CRYBG1: variants seen among roughly 807,000 people sequenced by gnomAD.
The protein encoded by CRYBG1 is beta/gamma crystallin domain-containing protein 1.
CRYBG1 carries 139 observed loss-of-function variants against 189.2 expected under a neutral mutation model. That is an observed-to-expected ratio of 0.73 (90% CI 0.64 to 0.85). The LOEUF is 0.85. CRYBG1 is among the 40% of genes least tolerant of loss of function. CRYBG1 has a pLI of 0.00. For synonymous variants in CRYBG1, 1,023 were observed against 1,017.1 expected (o/e 1.01, Z -0.11); for missense variants, 2,611 against 2,675.8 (o/e 0.98, Z 0.53).
chr6:106,384,851 T>C (rs1332609613), intron 1 of CRYBG1, among the ~76,000 whole-genome samples: 1 of 148,312 alleles, frequency 6.7e-6, no homozygotes, highest in Non-Finnish European at 1.5e-5. Context: ...GGGTCACAGA[T>C]ACATTCTTCC....
chr6:106,528,622 T>C (rs1271566658), intron 7 of CRYBG1, among the ~76,000 whole-genome samples: 1 of 152,152 alleles, frequency 6.6e-6, no homozygotes, highest in Non-Finnish European at 1.5e-5. Context: ...ATCTTTGTGA[T>C]TGGCAACTGG....
intron 2 of CRYBG1, among the ~76,000 whole-genome samples, chr6:106,485,565 T>C (rs1772578368): frequency 6.6e-6 from 1 of 152,184 alleles, no homozygotes; most frequent in African/African-American, 2.4e-5. Flanking sequence ...TAGGCACCCT[T>C]GTCTTATTTG....
chr6:106,492,976 T>C (rs1182762093), intron 2 of CRYBG1, among the ~76,000 whole-genome samples: 1 of 152,082 alleles, frequency 6.6e-6, no homozygotes, highest in Non-Finnish European at 1.5e-5. Context: ...TTTTAATTTT[T>C]TTTTTTTTTA....
chr6:106,566,484 T>TTTTTTG (rs1774892033), intron 21 of CRYBG1, among the ~76,000 whole-genome samples: 1 of 139,356 alleles, frequency 7.2e-6, no homozygotes, highest in African/African-American at 2.7e-5. Context: ...TTTTTTTTTT[T>TTTTTTG]TTTTTGAGAC....
Position 106,560,871 on chromosome 6 carries a change from A to T in CRYBG1, c.5924A>T (p.Asn1975Ile). 6.2e-7 allele frequency: 1 copy of T among 1,612,958 alleles called. No individual in the cohort carries two copies. Residue 1975 changes from asparagine to isoleucine, a missense_variant, in exon 19 of 22, where the codon AAT (asparagine) becomes ATT (isoleucine). Around this residue, in one of 3 missense-constraint regions of CRYBG1, gnomAD observed 1,622 missense variants for 1,735.0 expected, o/e 0.93. Transcript: ENST00000633556. ...CTATTGTCACCTGCAGAAGTACCTA[A>T]TTGGTATGAATTCAGTGGCTGTCGC... ...QFLLSPAEVP[N>I]WYEFSGCRQI...
chr6:106,472,172 A>G (rs1272147444), intron 2 of CRYBG1, among the ~76,000 whole-genome samples: 1 of 152,238 alleles, frequency 6.6e-6, no homozygotes, highest in Non-Finnish European at 1.5e-5. Flanking sequence ...AATTTCATAT[A>G]GTATTTTTTC....
intron 8 of CRYBG1, among the ~76,000 whole-genome samples, chr6:106,538,485 C>T (rs1352586438): frequency 3.3e-5 from 5 of 152,170 alleles, no homozygotes; most frequent in Non-Finnish European, 7.3e-5. Context: ...ACTTCAGAGC[C>T]CCTGAGGACA....
intron 1 of CRYBG1, among the ~76,000 whole-genome samples, chr6:106,388,319 A>C (rs969759853): frequency 6.6e-6 from 1 of 152,188 alleles, no homozygotes; most frequent in African/African-American, 2.4e-5. Context: ...TGGGGCTAAC[A>C]TCAAGTGTTT....
At chr6:106,506,634 G>A (rs969750540) in intron 2 of CRYBG1, among the ~76,000 whole-genome samples, 7 of 151,758 alleles carry the variant, frequency 4.6e-5, no homozygotes, top group Admixed American at 4.6e-4. Flanking sequence ...TGTATTTTTA[G>A]TAGAGACGGG....
At chr6:106,465,520 A>AT (rs1456949881) in intron 2 of CRYBG1, among the ~76,000 whole-genome samples, 1 of 152,194 alleles carries the variant, frequency 6.6e-6, no homozygotes, top group Non-Finnish European at 1.5e-5. Flanking sequence ...TGCAAGCTCC[A>AT]TACCATGTCT....
At chr6:106,380,235 A>G (rs1399893954) in intron 1 of CRYBG1, among the ~76,000 whole-genome samples, 1 of 152,204 alleles carries the variant, frequency 6.6e-6, no homozygotes, top group Non-Finnish European at 1.5e-5. Context: ...ATTGAACACA[A>G]TGTATTTAGG....
chr6:106,517,623 C>T (rs1207587780), intron 3 of CRYBG1, among the ~76,000 whole-genome samples: 7 of 151,822 alleles, frequency 4.6e-5, no homozygotes, highest in Non-Finnish European at 2.9e-5. Context: ...AGTGGACAGC[C>T]CCATCCTCAT....
At chr6:106,542,073 A>G (rs1031111449) in intron 10 of CRYBG1, among the ~76,000 whole-genome samples, 1 of 151,896 alleles carries the variant, frequency 6.6e-6, no homozygotes, top group African/African-American at 2.4e-5. Context: ...ACTACTTTAG[A>G]ATCCTCTGGT....
rs776549349 is a variant in CRYBG1, at chr6:106,544,624, AAGG to A, written c.5096_5098del (p.Gly1699del). On this transcript the variant is annotated inframe_deletion, in exon 12 of 22. Transcript: ENST00000633556. The stretch of plus-strand genomic sequence containing the variant: ...ACCGGTCATCAGTATTTGCTAGAAG[AAGG>A]AGAATACAGGGACTGGAAAGCCTGG... 2 of 1,613,916 alleles carry A rather than the reference AAGG, an allele frequency of 1.2e-6. No homozygotes were observed. The highest frequency in any genetic ancestry group is 1.7e-6 in the Non-Finnish European group (2 of 1,179,932).
At chr6:106,393,233 C>T (rs914962295) in intron 1 of CRYBG1, among the ~76,000 whole-genome samples, 1 of 152,142 alleles carries the variant, frequency 6.6e-6, no homozygotes, top group African/African-American at 2.4e-5. Flanking sequence ...AGCTGTGGTA[C>T]CTTTCTCTAA....
At chr6:106,504,875 T>C (rs142900741) in intron 2 of CRYBG1, among the ~76,000 whole-genome samples, 13 of 152,142 alleles carry the variant, frequency 8.5e-5, no homozygotes, top group Non-Finnish European at 8.8e-5. Flanking sequence ...TATTCTGCCA[T>C]ACACTTATCA....
intron 2 of CRYBG1, among the ~76,000 whole-genome samples, chr6:106,466,815 G>T (rs1273273200): frequency 2.6e-5 from 4 of 152,156 alleles, no homozygotes; most frequent in Non-Finnish European, 5.9e-5. Flanking sequence ...ATTTTTTTAG[G>T]AATAAGTGTA....
chr6:106,520,536 G>C lies in CRYBG1; in HGVS notation c.3328G>C (p.Glu1110Gln). 1 of 1,614,126 alleles carries C rather than the reference G, an allele frequency of 6.2e-7. No individual in the cohort carries two copies. The change falls in exon 4 of 22, where the codon GAA (glutamate) becomes CAA (glutamine). Residue 1110 changes from glutamate to glutamine, a missense_variant. Transcript: ENST00000633556. ...TTCTTCTGATATGGAAAAATTCACT[G>C]AAATTATAAAACAGATGGATAGCGC... is the stretch of plus-strand genomic sequence containing the variant. ...DSSSDMEKFT[E>Q]IIKQMDSAVC...
At chr6:106,417,789 C>A (rs1006104774) in intron 1 of CRYBG1, among the ~76,000 whole-genome samples, 1 of 152,248 alleles carries the variant, frequency 6.6e-6, no homozygotes, top group Non-Finnish European at 1.5e-5. Context: ...GTGGGGCCTG[C>A]AGCCAGACCA....
Sources: allele counts gnomAD v4.1 joint callset (sites outside exome capture counted in the v4.1 genomes callset), GRCh38; gene constraint gnomAD v4.1.1; regional missense constraint gnomAD v4.1.1; transcripts MANE v1.5; gene names NCBI Gene and HGNC (gene_info 2026-07-23, HGNC 2026-07-21).